The following HECTD4 variants were observed in gnomAD, a reference collection of about 807,000 sequenced individuals.
The protein encoded by HECTD4 is probable E3 ubiquitin-protein ligase HECTD4.
In HECTD4, 114 loss-of-function variants were observed where a neutral mutation model predicts 471.5. That is an observed-to-expected ratio of 0.24 (90% CI 0.21 to 0.28). The LOEUF is 0.28. HECTD4 is among the 10% of genes least tolerant of loss of function. HECTD4 has a pLI of 1.00. For missense variants in HECTD4, 3,866 were observed against 5,651.5 expected (o/e 0.68, Z 10.13); for synonymous variants, 2,012 against 2,256.0 (o/e 0.89, Z 3.07).
intron 1 of HECTD4, among the ~76,000 whole-genome samples, chr12:112,362,812 C>T (rs2036477719): frequency 6.6e-6 from 1 of 152,058 alleles, no homozygotes; most frequent in African/African-American, 2.4e-5. Context: ...ATCAGTCCTC[C>T]TGCCTGAGCC....
chr12:112,162,423 A>G lies in HECTD4; in HGVS notation c.13221T>C (p.Cys4407=). 6.2e-7 allele frequency: 1 copy of G among 1,614,038 alleles called. No individual in the cohort carries two copies. The highest frequency in any genetic ancestry group is 8.5e-7 in the Non-Finnish European group (1 of 1,179,888). Residue 4407 remains cysteine, a synonymous_variant, in exon 76 of 76, where the codon TGT becomes TGC. Transcript: ENST00000682272. The surrounding 1 kb of genome is among the most constrained non-coding windows in gnomAD (Gnocchi z 5.2). ...GGGGGTCTTCACGGTAGTGAATGGC[A>G]CAACGAAGTTTCTCCAGCATGATTT... ...SLEIMLEKLR[C]AIHYREDPLS...
chr12:112,351,269 T>A (rs992103947), intron 1 of HECTD4, among the ~76,000 whole-genome samples: 9 of 152,314 alleles, frequency 5.9e-5, no homozygotes, highest in African/African-American at 1.9e-4. Flanking sequence ...GCAGTCCCTG[T>A]GCACAAAGGA....
rs2033859486 is a variant in HECTD4, at chr12:112,250,564, C to CT, written c.3717-188dup. Among the ~76,000 whole-genome samples, 3 of 152,316 alleles carry CT rather than the reference C, an allele frequency of 2.0e-5. No homozygotes were observed. In the South Asian group the frequency reaches 6.2e-4, roughly 32 times the overall value. ...TGAAAGCCCATCTTTGGGGATCTAG[C>CT]TCCCCCCCAATATTTAATCATTAAA... On this transcript the variant is annotated intron_variant, in intron 24 of 75. Transcript: ENST00000682272.
At chr12:112,282,564 G>A (rs2034668208) in intron 8 of HECTD4, among the ~76,000 whole-genome samples, 1 of 152,166 alleles carries the variant, frequency 6.6e-6, no homozygotes, top group African/African-American at 2.4e-5. Context: ...ATAGTTACCT[G>A]TGGTGGGGTA....
chr12:112,356,749 C>G (rs532955370), intron 1 of HECTD4, among the ~76,000 whole-genome samples: 1 of 152,180 alleles, frequency 6.6e-6, no homozygotes, highest in South Asian at 2.1e-4. Flanking sequence ...CTTTTCTTAA[C>G]CAAGAAGGTA....
At chr12:112,273,519 T>C (rs1330866940) in intron 11 of HECTD4, 136 bp downstream of exon 11, 2 of 703,294 alleles carry the variant, frequency 2.8e-6, no homozygotes, top group Non-Finnish European at 4.8e-6. Flanking sequence ...CAAAGGACTT[T>C]AGGTTTCAAA....
intron 1 of HECTD4, among the ~76,000 whole-genome samples, chr12:112,344,072 T>C (rs1594061228): frequency 6.6e-6 from 1 of 152,080 alleles, no homozygotes; most frequent in Admixed American, 6.6e-5. Context: ...GGGAGGAAAA[T>C]GGAATGGGTT....
chr12:112,268,868 GTTTTTTTTTTTTTTT>G (rs561805261), intron 13 of HECTD4, among the ~76,000 whole-genome samples: 2 of 65,808 alleles, frequency 3.0e-5, no homozygotes, highest in Non-Finnish European at 5.2e-5. Flanking sequence ...GTCTGAAAAG[GTTTTTTTTTTTTTTT>G]TTTTTTTTTG....
At chr12:112,245,315 T>G (rs1193299015) in intron 29 of HECTD4, among the ~76,000 whole-genome samples, 1 of 152,226 alleles carries the variant, frequency 6.6e-6, no homozygotes, top group Non-Finnish European at 1.5e-5. Flanking sequence ...GAAAACCATT[T>G]TGTATCTGTC....
At chr12:112,267,257 C>T (rs554745922) in intron 13 of HECTD4, 235 of 411,598 alleles carry the variant, frequency 5.7e-4, no homozygotes, top group Non-Finnish European at 9.1e-4. Context: ...GACCGGTCTT[C>T]GGTCAAGGGT....
At position 112,194,700 on chromosome 12, in the gene HECTD4, C is replaced by G. The variant is rs2032180687; in HGVS notation, c.8749+185G>C. 2.0e-5 allele frequency among the ~76,000 whole-genome samples: 3 copies of G among 152,204 alleles called. No individual in the cohort carries two copies. The highest frequency in any genetic ancestry group is 7.2e-5 in the African/African-American group (3 of 41,436). On this transcript the variant is annotated intron_variant, in intron 56 of 75. Coordinates refer to ENST00000682272, the MANE Select transcript of HECTD4 (RefSeq NM_001388303.1). The surrounding 1 kb of genome is among the most constrained non-coding windows in gnomAD (Gnocchi z 4.6). Reference sequence around the variant, plus strand: ...CAGAGTAATGACTCAAGTGAGTAATCCATTACATTTTTCGAAGAGTGAGAA... The same window carrying G: ...CAGAGTAATGACTCAAGTGAGTAATGCATTACATTTTTCGAAGAGTGAGAA...
At chr12:112,202,420 A>G (rs1485789284) in intron 54 of HECTD4, among the ~76,000 whole-genome samples, 1 of 152,068 alleles carries the variant, frequency 6.6e-6, no homozygotes, top group Non-Finnish European at 1.5e-5. Flanking sequence ...TGGCTAGGCT[A>G]GTCTCAAGCT....
intron 1 of HECTD4, among the ~76,000 whole-genome samples, chr12:112,323,949 T>C (rs1028457338): frequency 1.6e-4 from 7 of 43,348 alleles, no homozygotes; most frequent in Non-Finnish European, 2.5e-4. Context: ...CTGAGGTGCT[T>C]CTTTCTTTCT....
chr12:112,244,893 AC>A (rs2033724151), intron 29 of HECTD4, among the ~76,000 whole-genome samples: 1 of 152,244 alleles, frequency 6.6e-6, no homozygotes. Context: ...GTTTTATAAA[AC>A]AATCCTTAAA....
rs968579208 is a variant in HECTD4 at position 112,200,711 on chromosome 12, G to A, written c.8494C>T (p.Pro2832Ser). ...GCAGTCCTTCGGTAGCCTGCTGGGG[G>A]CCTTTCCAACATGTCAATAGGATAC... ...YWYPIDMLER[P>S]PAGYRRTATN... is the part of the protein sequence containing the mutation. Residue 2832 changes from proline to serine, a missense_variant, in exon 55 of 76, where the codon CCC (proline) becomes TCC (serine). By Grantham distance (74) the Pro-to-Ser change is moderately conservative. Transcript: ENST00000682272. The A allele has an allele frequency of 1.2e-6, 2 of 1,613,950 alleles. No homozygotes were observed. The highest frequency in any genetic ancestry group is 2.7e-5 in the African/African-American group (2 of 75,030).
chr12:112,257,327 C>A (rs2034039090), intron 20 of HECTD4, among the ~76,000 whole-genome samples: 2 of 152,180 alleles, frequency 1.3e-5, no homozygotes, highest in Admixed American at 6.5e-5. Flanking sequence ...CTAGACAGCA[C>A]AGATAGAAGT....
At position 112,256,345 on chromosome 12, in the gene HECTD4, C is replaced by A; in HGVS notation, c.3302G>T (p.Cys1101Phe). Reference sequence around the variant, plus strand: ...TTTGTCATAGTCATATTGCGAAGAGCATCTGCTATCAAATCTAAGGTACAG... The same window carrying A: ...TTTGTCATAGTCATATTGCGAAGAGAATCTGCTATCAAATCTAAGGTACAG... ...RCLYLRFDSR[C>F]SSQYDYDKLV... Residue 1101 changes from cysteine (C) to phenylalanine (F), a missense_variant, in exon 21 of 76, where the codon TGC becomes TTC. Physicochemically the swap from Cys to Phe is radical, Grantham distance 205. Coordinates refer to ENST00000682272, the MANE Select transcript of HECTD4 (RefSeq NM_001388303.1). The A allele has an allele frequency of 6.2e-7, 1 of 1,605,604 alleles. No homozygotes were observed. The highest frequency in any genetic ancestry group is 8.5e-7 in the Non-Finnish European group (1 of 1,176,760).
chr12:112,234,486 T>C (rs1304179949), intron 37 of HECTD4, among the ~76,000 whole-genome samples: 1 of 152,196 alleles, frequency 6.6e-6, no homozygotes, highest in Non-Finnish European at 1.5e-5. Context: ...GAGACATAAA[T>C]ACCTGCTCTG....
At chr12:112,264,304 A>C in intron 16 of HECTD4, 92 bp from the exon 17 acceptor site, 2 of 1,215,612 alleles carry the variant, frequency 1.6e-6, no homozygotes, top group Non-Finnish European at 2.2e-6. Context: ...TTGACAAAGA[A>C]AACAAAAAGA....
Sources: gnomAD v4.1 joint callset for allele counts (sites outside exome capture counted in the v4.1 genomes callset) on GRCh38, gnomAD v4.1.1 for gene constraint, Gnocchi (gnomAD v3.1) non-coding constraint, MANE v1.5 for transcripts, NCBI Gene and HGNC (gene_info 2026-07-23, HGNC 2026-07-21) for gene names.